Variants in CCDC192 observed in about 807,000 individuals in gnomAD.
The protein encoded by CCDC192 is coiled-coil domain containing 192, also known as coiled-coil domain-containing protein 192.
intron 5 of CCDC192, among the ~76,000 whole-genome samples, chr5:127,849,329 T>C (rs1279316561): frequency 6.6e-6 from 1 of 152,006 alleles, no homozygotes; most frequent in Non-Finnish European, 1.5e-5. Context: ...GATTCCCACC[T>C]CCTCAGCACT....
intron 6 of CCDC192, among the ~76,000 whole-genome samples, chr5:127,937,696 G>A (rs952976934): frequency 6.6e-6 from 1 of 152,192 alleles, no homozygotes; most frequent in African/African-American, 2.4e-5. Context: ...CCTTCTCCCT[G>A]TAATACTCTC....
chr5:127,844,295 T>C (rs1297311614), intron 5 of CCDC192, among the ~76,000 whole-genome samples: 1 of 152,234 alleles, frequency 6.6e-6, no homozygotes, highest in Non-Finnish European at 1.5e-5. Flanking sequence ...CATCCCTGTT[T>C]GCCTCAAAGT....
At chr5:127,895,307 A>G (rs1262202498) in intron 6 of CCDC192, among the ~76,000 whole-genome samples, 1 of 152,134 alleles carries the variant, frequency 6.6e-6, no homozygotes, top group Non-Finnish European at 1.5e-5. Context: ...GCTTACTGAC[A>G]TTGCCTTCAC....
In CCDC192 at chr5:127,748,662, G is replaced by T. The variant is rs1019384101; in HGVS notation, c.115-5606G>T. Among the ~76,000 whole-genome samples the T allele has an allele frequency of 2.2e-5, 3 of 139,348 alleles. 1 individual carries two copies. The highest frequency in any genetic ancestry group is 4.9e-5 in the Non-Finnish European group (3 of 61,662). The allele number at this position is 139,348 out of a possible 152,430, so 91.4% of individuals were successfully genotyped here. On this transcript the variant is annotated intron_variant, in intron 2 of 6. Transcript: ENST00000514853. ...CTGTGAAGAAAGGCATTGGTAGGTT[G>T]ATGGGGATGGCATTGAATCTGTAAA...
chr5:127,832,413 C>G (rs1749840909), intron 5 of CCDC192, among the ~76,000 whole-genome samples: 1 of 152,092 alleles, frequency 6.6e-6, no homozygotes, highest in Non-Finnish European at 1.5e-5. Flanking sequence ...ACTCCTGCAC[C>G]AGAAGAATCG....
rs997563480 is a variant in CCDC192, at chr5:127,797,047, AG to A, written c.223-54del. 5.6e-5 allele frequency: 22 copies of A among 393,012 alleles called. No individual in the cohort carries two copies. In the Admixed American group the frequency reaches 6.2e-4, roughly 11 times the overall value. The allele number at this position is 393,012 out of a possible 1,614,324, so 24.3% of individuals were successfully genotyped here. On this transcript the variant is annotated intron_variant, in intron 3 of 6. Transcript: ENST00000514853. ...ATTATTTGTAAGTTGAATTTTTAAA[AG>A]GAGCTTTTAAAATATCACTGTACTT...
intron 6 of CCDC192, among the ~76,000 whole-genome samples, chr5:127,878,295 A>T (rs997813394): frequency 6.6e-6 from 1 of 152,224 alleles, no homozygotes; most frequent in East Asian, 1.9e-4. Context: ...GATATGAACC[A>T]ATCTTTGTGG....
intron 5 of CCDC192, among the ~76,000 whole-genome samples, chr5:127,869,386 A>G (rs994240121): frequency 2.0e-5 from 3 of 152,186 alleles, no homozygotes; most frequent in Non-Finnish European, 4.4e-5. Flanking sequence ...GATGCCTGGC[A>G]TATTGTAGGT....
At chr5:127,817,398 C>T (rs959837829) in intron 5 of CCDC192, among the ~76,000 whole-genome samples, 6 of 152,092 alleles carry the variant, frequency 3.9e-5, no homozygotes, top group Non-Finnish European at 5.9e-5. Flanking sequence ...CTCAAATGTC[C>T]AGCAATTGAT....
At chr5:127,704,720 A>G (rs1429684075) in intron 1 of CCDC192, among the ~76,000 whole-genome samples, 6 of 152,138 alleles carry the variant, frequency 3.9e-5, no homozygotes. Flanking sequence ...AAATTTAGCA[A>G]ACACTCATTT....
intron 5 of CCDC192, among the ~76,000 whole-genome samples, chr5:127,847,303 T>A (rs1750597136): frequency 1.3e-5 from 2 of 152,228 alleles, no homozygotes; most frequent in Admixed American, 6.5e-5. Context: ...ACATTTTTCC[T>A]CCATTATTAA....
intron 5 of CCDC192, among the ~76,000 whole-genome samples, chr5:127,822,694 C>T (rs1464929928): frequency 6.6e-6 from 1 of 152,088 alleles, no homozygotes; most frequent in African/African-American, 2.4e-5. Flanking sequence ...AAGGACGCTC[C>T]CTCAGAGGCT....
chr5:127,749,191 A>G (rs1753971668), intron 2 of CCDC192, among the ~76,000 whole-genome samples: 1 of 151,806 alleles, frequency 6.6e-6, no homozygotes. Flanking sequence ...GTCTTGTCCC[A>G]GTTTTCAAAG....
chr5:127,851,606 C>T (rs245194), intron 5 of CCDC192, among the ~76,000 whole-genome samples: 100,162 of 151,894 alleles, frequency 0.66, 33,096 homozygotes, highest in Non-Finnish European at 0.69. Context: ...TACAGGTGCA[C>T]GCCACCACAC....
chr5:127,911,489 G>GA lies in CCDC192; in HGVS notation c.536-29688dup, dbSNP rs1273703303. Among the ~76,000 whole-genome samples the GA allele has an allele frequency of 3.3e-5, 5 of 152,044 alleles. No homozygotes were observed. The East Asian group carries it at 9.6e-4, about 29-fold the overall frequency. On this transcript the variant is annotated intron_variant, in intron 6 of 6. Coordinates refer to ENST00000514853, the MANE Select transcript of CCDC192 (RefSeq NM_001317938.2). Reference sequence around the variant, plus strand: ...TTCTTTGAAGTGATCAAAAGAAGCTGAAAAAGCATGTATTATATTCTTCTC... The same window carrying GA: ...TTCTTTGAAGTGATCAAAAGAAGCTGAAAAAAGCATGTATTATATTCTTCTC...
intron 6 of CCDC192, among the ~76,000 whole-genome samples, chr5:127,900,481 A>T (rs957585827): frequency 1.3e-5 from 2 of 152,220 alleles, no homozygotes; most frequent in African/African-American, 4.8e-5. Context: ...TGGTCTTGGG[A>T]AATACGATCT....
rs1219307107 is a variant in CCDC192 at position 127,918,216 on chromosome 5, T to TAAAAAAAAAAAAAAAAAAAA, written c.536-22947_536-22946insAAAAAAAAAAAAAAAAAAAA. On this transcript the variant is annotated intron_variant, in intron 6 of 6. Transcript: ENST00000514853. ...AGGGTTGCCAGACACCTTCAATTTGTAAAAAAAAAAAAAAAAAAAGTAGTA... is the reference window on the plus strand; with the variant it reads ...AGGGTTGCCAGACACCTTCAATTTGTAAAAAAAAAAAAAAAAAAAAAAAAAAAAAAAAAAAAAAAGTAGTA... Among the ~76,000 whole-genome samples, 65 of 100,370 alleles carry TAAAAAAAAAAAAAAAAAAAA rather than the reference T, an allele frequency of 6.5e-4. 4 individuals carry two copies. Among genetic ancestry groups the TAAAAAAAAAAAAAAAAAAAA allele is most frequent in the African/African-American group, 2.7e-3 (59 of 22,138 alleles). The allele number at this position is 100,370 out of a possible 152,430, so 65.8% of individuals were successfully genotyped here. A position where few individuals can be genotyped will look rare whatever the true frequency, so the allele number is the denominator to read the frequency against.
rs1044083483 is a variant in CCDC192 at position 127,812,605 on chromosome 5, C to CA, written c.411+14451dup. On this transcript the variant is annotated intron_variant, in intron 5 of 6. Transcript: ENST00000514853. ...TAACTCTTAATTATTTCACTGTCTTCAAAAAAAATACATGTCCCTGTTGAG... is the reference window on the plus strand; with the variant it reads ...TAACTCTTAATTATTTCACTGTCTTCAAAAAAAAATACATGTCCCTGTTGAG... Among the ~76,000 whole-genome samples, 99 of 151,918 alleles carry CA rather than the reference C, an allele frequency of 6.5e-4. 1 individual carries two copies. The highest frequency in any genetic ancestry group is 2.2e-3 in the African/African-American group (93 of 41,464).
chr5:127,916,402 C>T (rs79412577), intron 6 of CCDC192, among the ~76,000 whole-genome samples: 7 of 152,294 alleles, frequency 4.6e-5, no homozygotes, highest in Admixed American at 3.3e-4. Flanking sequence ...CCACAAATCA[C>T]GAATGTTCTT....
Sources: allele counts gnomAD v4.1 joint callset (sites outside exome capture counted in the v4.1 genomes callset), GRCh38; gene constraint gnomAD v4.1.1; transcripts MANE v1.5; gene names NCBI Gene and HGNC (gene_info 2026-07-23, HGNC 2026-07-21).